RANBP2: variants seen among roughly 807,000 people sequenced by gnomAD.
RANBP2 encodes RAN binding protein 2.
RANBP2 carries 57 observed loss-of-function variants against 303.6 expected under a neutral mutation model. The observed-to-expected ratio is 0.19, with a 90% CI of 0.15 to 0.23. RANBP2 has a LOEUF of 0.23. Ranked by LOEUF, RANBP2 falls within the 10% of genes least tolerant of loss-of-function variation. The probability of loss-of-function intolerance (pLI) is 1.00; values close to 1 mark genes in which losing one functional copy is unlikely to be tolerated. For synonymous variants in RANBP2, 1,167 were observed against 1,301.5 expected (o/e 0.90, Z 2.23); for missense variants, 3,138 against 3,780.8 (o/e 0.83, Z 4.46).
At chr2:109,250,433 A>G in the RANBP2 span, among the ~76,000 whole-genome samples, 1 of 152,050 alleles carries the variant, frequency 6.6e-6, no homozygotes, top group Admixed American at 6.5e-5. Context: ...AACAATCATC[A>G]TAATAAATTT....
At chr2:109,010,241 T>G in the RANBP2 span, among the ~76,000 whole-genome samples, 1 of 152,198 alleles carries the variant, frequency 6.6e-6, no homozygotes, top group African/African-American at 2.4e-5. Context: ...CTTATATTGC[T>G]GTATCTGAAA....
At chr2:108,915,195 A>G in the RANBP2 span, among the ~76,000 whole-genome samples, 1 of 152,138 alleles carries the variant, frequency 6.6e-6, no homozygotes, top group Non-Finnish European at 1.5e-5. Flanking sequence ...TGAGCCTGTA[A>G]TCCATGCCTG....
chr2:109,374,824 GCCTGGCCTCA>G, the RANBP2 span, among the ~76,000 whole-genome samples: 1 of 152,200 alleles, frequency 6.6e-6, no homozygotes, highest in Non-Finnish European at 1.5e-5. Flanking sequence ...CTCTCACCTC[GCCTGGCCTCA>G]CCTGGCCTCA....
chr2:109,530,895 C>T, the RANBP2 span, among the ~76,000 whole-genome samples: 404 of 152,054 alleles, frequency 2.7e-3, no homozygotes, highest in African/African-American at 8.4e-3. Context: ...TGCACATCTA[C>T]GGAGAGGGAG....
At chr2:109,166,939 TC>T in the RANBP2 span, among the ~76,000 whole-genome samples, 1 of 152,232 alleles carries the variant, frequency 6.6e-6, no homozygotes, top group Non-Finnish European at 1.5e-5. Flanking sequence ...ACATGATGCA[TC>T]CATAAATCTA....
At chr2:109,238,452 TGTGTGTGTG>T in the RANBP2 span, among the ~76,000 whole-genome samples, 2 of 956 alleles carry the variant, frequency 2.1e-3, no homozygotes, top group Non-Finnish European at 4.7e-3. Flanking sequence ...TGTATATTTG[TGTGTGTGTG>T]TGTGTGTGTG....
chr2:109,678,303 T>G, the RANBP2 span, among the ~76,000 whole-genome samples: 3 of 152,216 alleles, frequency 2.0e-5, no homozygotes, highest in East Asian at 5.8e-4. Flanking sequence ...TGTTAGCAGG[T>G]TAACCTGTGT....
At chr2:109,014,359 C>T in the RANBP2 span, among the ~76,000 whole-genome samples, 1 of 152,194 alleles carries the variant, frequency 6.6e-6, no homozygotes, top group Non-Finnish European at 1.5e-5. Flanking sequence ...GGCCTGTTCT[C>T]TTGGAGCAGG....
the RANBP2 span, among the ~76,000 whole-genome samples, chr2:109,343,059 G>A: frequency 2.0e-5 from 3 of 152,160 alleles, no homozygotes; most frequent in Admixed American, 1.3e-4. Flanking sequence ...TTCCAAACAC[G>A]TCTGTGGGCA....
chr2:109,482,466 C>T, the RANBP2 span, among the ~76,000 whole-genome samples: 1 of 152,166 alleles, frequency 6.6e-6, no homozygotes, highest in Admixed American at 6.5e-5. Context: ...CGTGCTGTGG[C>T]TGTTTATCTT....
At chr2:109,018,372 C>G in the RANBP2 span, among the ~76,000 whole-genome samples, 5 of 152,192 alleles carry the variant, frequency 3.3e-5, no homozygotes, top group Non-Finnish European at 7.4e-5. Flanking sequence ...CCGCTGTCTG[C>G]TAGCCAGGCG....
At chr2:109,204,885 G>A in the RANBP2 span, among the ~76,000 whole-genome samples, 1 of 152,162 alleles carries the variant, frequency 6.6e-6, no homozygotes, top group Admixed American at 6.6e-5. Flanking sequence ...TGTGTTCCAG[G>A]GAAATAATTT....
the RANBP2 span, among the ~76,000 whole-genome samples, chr2:109,593,468 T>A: frequency 6.8e-6 from 1 of 146,344 alleles, no homozygotes; most frequent in African/African-American, 2.6e-5. Flanking sequence ...TGCAATGGCA[T>A]GATCTCGGCT....
the RANBP2 span, among the ~76,000 whole-genome samples, chr2:108,804,128 C>T: frequency 2.6e-5 from 4 of 151,914 alleles, no homozygotes; most frequent in Non-Finnish European, 5.9e-5. Flanking sequence ...GGATAACTGC[C>T]TTATTTTCAT....
the RANBP2 span, among the ~76,000 whole-genome samples, chr2:109,229,926 G>A: frequency 1.3e-5 from 2 of 150,508 alleles, no homozygotes; most frequent in East Asian, 2.0e-4. Flanking sequence ...CTGGGTTCAC[G>A]CCATTCTCCT....
At chr2:108,791,297 T>C in the RANBP2 span, among the ~76,000 whole-genome samples, 2 of 152,216 alleles carry the variant, frequency 1.3e-5, no homozygotes, top group African/African-American at 4.8e-5. Flanking sequence ...CTACTCGTTA[T>C]GTCACCCATC....
the RANBP2 span, among the ~76,000 whole-genome samples, chr2:108,810,266 G>T: frequency 6.6e-6 from 1 of 152,188 alleles, no homozygotes; most frequent in Non-Finnish European, 1.5e-5. Flanking sequence ...TCAGTATGAT[G>T]TTAATTGTGT....
At chr2:108,730,712 G>A (rs1259135675) in intron 2 of RANBP2, 62 bp from the exon 3 acceptor site, 6 of 1,571,236 alleles carry the variant, frequency 3.8e-6, no homozygotes, top group South Asian at 2.2e-5. Context: ...TGTATTCTTC[G>A]GTTAGCATTT....
the RANBP2 span, among the ~76,000 whole-genome samples, chr2:109,055,088 T>C: frequency 6.6e-6 from 1 of 152,232 alleles, no homozygotes; most frequent in Non-Finnish European, 1.5e-5. Context: ...TGTAGTCTCC[T>C]CTGTGTAGGC....
Sources: gnomAD v4.1 joint callset for allele counts (sites outside exome capture counted in the v4.1 genomes callset) on GRCh38, gnomAD v4.1.1 for gene constraint, MANE v1.5 for transcripts, NCBI Gene and HGNC (gene_info 2026-07-23, HGNC 2026-07-21) for gene names.